AUTS2: variants seen among roughly 807,000 people sequenced by gnomAD.
The protein encoded by AUTS2 is activator of transcription and developmental regulator AUTS2.
In AUTS2, 17 loss-of-function variants were observed where a neutral mutation model predicts 112.4. The observed-to-expected ratio is 0.15, with a 90% CI of 0.10 to 0.23. The LOEUF (loss-of-function observed/expected upper bound fraction) is 0.23. Among genes scored for constraint, AUTS2 ranks in the 10% least tolerant of loss-of-function variants. AUTS2 has a pLI of 1.00. For synonymous variants in AUTS2, 751 were observed against 702.7 expected, an observed-to-expected ratio of 1.07 and a Z score of -1.09; for missense variants, 1,510 against 1,701.6, an observed-to-expected ratio of 0.89 and a Z score of 1.98.
chr7:70,286,092 C>T (rs1463016226), intron 4 of AUTS2, among the ~76,000 whole-genome samples: 1 of 152,154 alleles, frequency 6.6e-6, no homozygotes, highest in Non-Finnish European at 1.5e-5. Context: ...GACTCTGAAA[C>T]AGGAAAGGAC....
intron 13 of AUTS2, chr7:70,776,604 C>T (rs1790709411): frequency 6.2e-6 from 1 of 161,740 alleles, no homozygotes; most frequent in African/African-American, 2.4e-5. Flanking sequence ...CTTTGTACCA[C>T]TTTGGGGGTT....
At chr7:69,947,499 G>T (rs1433823366) in intron 2 of AUTS2, among the ~76,000 whole-genome samples, 2 of 152,150 alleles carry the variant, frequency 1.3e-5, no homozygotes, top group Admixed American at 1.3e-4. Context: ...TATTTTGTTG[G>T]CTGTGGAAAT....
At chr7:70,497,107 C>G (rs1471874844) in intron 5 of AUTS2, among the ~76,000 whole-genome samples, 1 of 148,398 alleles carries the variant, frequency 6.7e-6, no homozygotes, top group Non-Finnish European at 1.5e-5. Context: ...GACACACACA[C>G]ACACCCCACA....
chr7:69,760,325 G>A (rs1476485538), intron 1 of AUTS2, among the ~76,000 whole-genome samples: 2 of 150,250 alleles, frequency 1.3e-5, no homozygotes, highest in Admixed American at 1.3e-4. Context: ...GTGAGTCATC[G>A]CACCTGGCCT....
intron 4 of AUTS2, among the ~76,000 whole-genome samples, chr7:70,226,592 A>G (rs542570354): frequency 1.3e-5 from 2 of 152,210 alleles, no homozygotes; most frequent in South Asian, 4.1e-4. Flanking sequence ...AGCTTCTTGC[A>G]TGAAAGAATA....
At chr7:69,816,452 G>GT (rs1487544008) in intron 1 of AUTS2, among the ~76,000 whole-genome samples, 1 of 152,142 alleles carries the variant, frequency 6.6e-6, no homozygotes, top group East Asian at 1.9e-4. Flanking sequence ...GGAAACGAAG[G>GT]TTGGCTTCAC....
chr7:69,788,849 C>T (rs930940079), intron 1 of AUTS2, among the ~76,000 whole-genome samples: 7 of 151,410 alleles, frequency 4.6e-5, no homozygotes, highest in African/African-American at 1.7e-4. Context: ...GAATCAAATA[C>T]ACTGGGGAAC....
intron 5 of AUTS2, among the ~76,000 whole-genome samples, chr7:70,612,171 G>A (rs1017488970): frequency 1.3e-5 from 2 of 152,164 alleles, no homozygotes; most frequent in African/African-American, 4.8e-5. Context: ...AAGTACCATA[G>A]CCTTCTTTGT....
rs74949346 is a variant in AUTS2 at position 69,741,226 on chromosome 7, G to A, written c.309+141264G>A. Among the ~76,000 whole-genome samples the A allele has an allele frequency of 2.9e-3, 443 of 152,230 alleles. 5 individuals are homozygous for A. The highest frequency in any genetic ancestry group is 0.01 in the African/African-American group (429 of 41,538). On this transcript the variant is annotated intron_variant, in intron 1 of 18. Transcript: ENST00000342771. ...AGAGCTGATTGTATGCAATGTGGTG[G>A]TATTCTTTTGCAAATAGGCTTGGGA...
intron 5 of AUTS2, among the ~76,000 whole-genome samples, chr7:70,503,849 A>G (rs893492476): frequency 6.6e-6 from 1 of 151,470 alleles, no homozygotes; most frequent in African/African-American, 2.4e-5. Context: ...AAGGAAAAAA[A>G]AAAAAAGAAG....
At chr7:70,317,059 G>C (rs546768749) in intron 4 of AUTS2, 1 of 152,244 alleles carries the variant, frequency 6.6e-6, no homozygotes, top group East Asian at 1.9e-4. Flanking sequence ...AACACCACTG[G>C]GGAACACTTG....
intron 6 of AUTS2, among the ~76,000 whole-genome samples, chr7:70,702,221 G>A (rs1413239737): frequency 6.6e-6 from 1 of 152,228 alleles, no homozygotes; most frequent in Non-Finnish European, 1.5e-5. Context: ...CTGGGAGGAA[G>A]GACAACACTA....
At chr7:70,751,507 T>C (rs928982177) in intron 6 of AUTS2, among the ~76,000 whole-genome samples, 1 of 152,208 alleles carries the variant, frequency 6.6e-6, no homozygotes, top group Non-Finnish European at 1.5e-5. Flanking sequence ...CAAAATAAGC[T>C]AACATTTTCC....
At chr7:70,675,595 A>T (rs1017058081) in intron 5 of AUTS2, among the ~76,000 whole-genome samples, 1 of 152,188 alleles carries the variant, frequency 6.6e-6, no homozygotes, top group African/African-American at 2.4e-5. Context: ...GTGGGTCAGA[A>T]ATTCAGACAG....
At chr7:70,666,343 T>G (rs1341105030) in intron 5 of AUTS2, among the ~76,000 whole-genome samples, 6 of 152,200 alleles carry the variant, frequency 3.9e-5, no homozygotes. Context: ...CAGAGCTTAG[T>G]GGCATGAAGA....
chr7:70,084,203 G>A (rs374964231), intron 2 of AUTS2, among the ~76,000 whole-genome samples: 1 of 151,910 alleles, frequency 6.6e-6, no homozygotes, highest in Non-Finnish European at 1.5e-5. Context: ...TTTGGAGGAG[G>A]GGGGGTTCTG....
At chr7:70,768,517 T>C (rs570008884) in intron 10 of AUTS2, among the ~76,000 whole-genome samples, 1 of 152,350 alleles carries the variant, frequency 6.6e-6, no homozygotes, top group South Asian at 2.1e-4. Flanking sequence ...TTTCATTTGC[T>C]CTAGACTAAA....
At chr7:69,839,973 G>T (rs909282988) in intron 1 of AUTS2, among the ~76,000 whole-genome samples, 1 of 152,136 alleles carries the variant, frequency 6.6e-6, no homozygotes, top group Non-Finnish European at 1.5e-5. Flanking sequence ...TGGACCAACA[G>T]CTTCAGTGTC....
At chr7:70,464,277 C>A (rs1797087962) in intron 5 of AUTS2, among the ~76,000 whole-genome samples, 1 of 152,190 alleles carries the variant, frequency 6.6e-6, no homozygotes, top group Non-Finnish European at 1.5e-5. Flanking sequence ...AACAGCTATT[C>A]TCTAAGAGCT....
Sources: gnomAD v4.1 joint callset for allele counts (sites outside exome capture counted in the v4.1 genomes callset) on GRCh38, gnomAD v4.1.1 for gene constraint, MANE v1.5 for transcripts, NCBI Gene and HGNC (gene_info 2026-07-23, HGNC 2026-07-21) for gene names.